Variants in CDK13 observed in about 807,000 individuals in gnomAD.
CDK13 encodes the protein cyclin dependent kinase 13.
CDK13 carries 40 observed loss-of-function variants against 137.6 expected under a neutral mutation model. That is an observed-to-expected ratio of 0.29 (90% CI 0.23 to 0.38). The LOEUF is 0.38. Ranked by LOEUF, CDK13 falls within the 10% of genes least tolerant of loss-of-function variation. The pLI, the probability that CDK13 is intolerant of heterozygous loss-of-function variation, is 1.00. For synonymous variants in CDK13, 869 were observed against 760.1 expected (o/e 1.14, Z -2.36); for missense variants, 1,704 against 1,951.8 (o/e 0.87, Z 2.39).
chr7:40,027,420 G>A (rs1785267036), intron 5 of CDK13, among the ~76,000 whole-genome samples: 2 of 152,020 alleles, frequency 1.3e-5, no homozygotes, highest in African/African-American at 4.8e-5. Context: ...TAGATTTTTT[G>A]GTACTAAATC....
At chr7:40,023,776 C>T (rs934270361) in intron 5 of CDK13, among the ~76,000 whole-genome samples, 2 of 152,180 alleles carry the variant, frequency 1.3e-5, no homozygotes, top group Non-Finnish European at 2.9e-5. Context: ...TGAGCCACCA[C>T]GCCCGGCCCT....
chr7:40,066,605 G>A (rs1380878637), intron 9 of CDK13: 1 of 152,138 alleles, frequency 6.6e-6, no homozygotes, highest in African/African-American at 2.4e-5. Context: ...GTCTAATTAG[G>A]GATGGACAAG....
At chr7:40,049,593 T>G (rs1012945246) in intron 7 of CDK13, among the ~76,000 whole-genome samples, 1 of 152,210 alleles carries the variant, frequency 6.6e-6, no homozygotes, top group Non-Finnish European at 1.5e-5. Context: ...TTTTTTTGTG[T>G]GTGCCAACAC....
intron 9 of CDK13, among the ~76,000 whole-genome samples, chr7:40,068,520 C>T (rs970767404): frequency 1.1e-4 from 17 of 151,080 alleles, no homozygotes; most frequent in Non-Finnish European, 1.9e-4. Context: ...ATGGTGAATC[C>T]CTGTCTCTAC....
intron 5 of CDK13, among the ~76,000 whole-genome samples, chr7:40,042,760 G>T (rs867225972): frequency 2.7e-5 from 4 of 150,636 alleles, no homozygotes; most frequent in Middle Eastern, 7.1e-3. Context: ...GATTACAGGT[G>T]TGAGCCACCG....
At chr7:40,012,485 A>G (rs1381778847) in intron 5 of CDK13, among the ~76,000 whole-genome samples, 2 of 152,198 alleles carry the variant, frequency 1.3e-5, no homozygotes, top group Admixed American at 1.3e-4. Flanking sequence ...CTGTAGTCCC[A>G]GCTACTCAGG....
chr7:40,002,075 T>C, intron 5 of CDK13, 44 bp downstream of exon 5: 1 of 1,444,616 alleles, frequency 6.9e-7, no homozygotes, highest in Non-Finnish European at 9.4e-7. Flanking sequence ...TATTCATGAT[T>C]GATGTTGCTA....
intron 5 of CDK13, among the ~76,000 whole-genome samples, chr7:40,003,206 A>ACACTCT (rs374470130): frequency 1.0e-3 from 80 of 79,902 alleles, no homozygotes; most frequent in East Asian, 4.6e-3. Context: ...ACACACACAC[A>ACACTCT]CTCTCTCTCT....
chr7:40,015,301 A>G (rs560803982), intron 5 of CDK13, among the ~76,000 whole-genome samples: 1 of 152,270 alleles, frequency 6.6e-6, no homozygotes, highest in African/African-American at 2.4e-5. Context: ...ATAGGAATGG[A>G]AAGTAGGGTG....
rs1786959120 is a variant in CDK13, at chr7:40,092,927, A to C, written c.3378A>C (p.Leu1126=). The change falls in exon 13 of 14, where the codon CTA becomes CTC. Residue 1126 remains leucine, a synonymous_variant. Transcript: ENST00000181839. Reference sequence around the variant, plus strand: ...TAAACTCTGAGACTCAACAGCAGCTAAATAAAATAAACCTTCCTGCTGGAA... The same window carrying C: ...TAAACTCTGAGACTCAACAGCAGCTCAATAAAATAAACCTTCCTGCTGGAA... ...IKVNSETQQQ[L]NKINLPAGIL... is the part of the protein sequence containing the mutation. 2 of 1,614,084 alleles carry C rather than the reference A, an allele frequency of 1.2e-6. No homozygotes were observed. The highest frequency in any genetic ancestry group is 2.7e-5 in the African/African-American group (2 of 74,936).
intron 7 of CDK13, chr7:40,048,312 G>A (rs1584036580): frequency 1.3e-5 from 2 of 153,454 alleles, no homozygotes; most frequent in Admixed American, 1.3e-4. Flanking sequence ...ACCAACTGTT[G>A]GGAGGATGTT....
chr7:39,953,532 T>C (rs1787305753), intron 1 of CDK13, among the ~76,000 whole-genome samples: 1 of 152,230 alleles, frequency 6.6e-6, no homozygotes, highest in Non-Finnish European at 1.5e-5. Context: ...TTTATATACA[T>C]ATATGAAATA....
chr7:39,962,472 T>C (rs1783769205), intron 1 of CDK13, among the ~76,000 whole-genome samples: 1 of 152,234 alleles, frequency 6.6e-6, no homozygotes, highest in South Asian at 2.1e-4. Context: ...CGCCCACTTT[T>C]TGATGGGGTT....
chr7:39,955,753 T>G (rs1258885193), intron 1 of CDK13, among the ~76,000 whole-genome samples: 1 of 152,200 alleles, frequency 6.6e-6, no homozygotes, highest in African/African-American at 2.4e-5. Flanking sequence ...TTACAAAGAT[T>G]GGCTAAAAAC....
At position 40,002,041 on chromosome 7, in the gene CDK13, C is replaced by A. The variant is rs774968302; in HGVS notation, c.2353+10C>A. ...TTCAAGAAGGACAAAGGTATGTGTG[C>A]ATATTTAAATAACGAATTTTTTGTA... On this transcript the variant is annotated intron_variant, in intron 5 of 13. Transcript: ENST00000181839. 1 of 1,555,908 alleles carries A rather than the reference C, an allele frequency of 6.4e-7. No individual in the cohort carries two copies. Among genetic ancestry groups the A allele is most frequent in the South Asian group, 1.2e-5 (1 of 81,206 alleles).
chr7:40,092,136 AAC>A (rs754191394), intron 12 of CDK13: 4 of 152,238 alleles, frequency 2.6e-5, no homozygotes, highest in Non-Finnish European at 5.9e-5. Context: ...TTTGAAGAAA[AAC>A]ACAGGCATTT....
chr7:40,033,924 C>T (rs1454721185), intron 5 of CDK13, among the ~76,000 whole-genome samples: 1 of 152,138 alleles, frequency 6.6e-6, no homozygotes, highest in Non-Finnish European at 1.5e-5. Flanking sequence ...GGCTAGAATG[C>T]TCTGGAGTTG....
At chr7:39,992,272 G>A (rs808913) in intron 2 of CDK13, among the ~76,000 whole-genome samples, 150,803 of 151,874 alleles carry the variant, frequency 0.99, 74,878 homozygotes, top group East Asian at 1. Flanking sequence ...ATCTAGGCTC[G>A]CTGCAACCTC....
intron 1 of CDK13, among the ~76,000 whole-genome samples, chr7:39,954,610 A>T (rs1163360245): frequency 6.6e-6 from 1 of 152,210 alleles, no homozygotes; most frequent in East Asian, 1.9e-4. Context: ...TGTATTACAA[A>T]CTTCATTCAA....
Sources: allele counts gnomAD v4.1 joint callset (sites outside exome capture counted in the v4.1 genomes callset), GRCh38; gene constraint gnomAD v4.1.1; transcripts MANE v1.5; gene names NCBI Gene and HGNC (gene_info 2026-07-23, HGNC 2026-07-21).